MEI1: variants seen among roughly 807,000 people sequenced by gnomAD.
MEI1 encodes meiosis inhibitor protein 1.
MEI1 carries 103 observed loss-of-function variants against 146.2 expected under a neutral mutation model. The ratio of observed to expected loss-of-function variants is 0.70; its 90% CI spans 0.60 to 0.83. The LOEUF (loss-of-function observed/expected upper bound fraction) is 0.83, where lower values mean the gene tolerates loss of function less well. Among genes scored for constraint, MEI1 ranks in the 40% least tolerant of loss-of-function variants. The probability of loss-of-function intolerance (pLI) is 0.00; values close to 1 mark genes in which losing one functional copy is unlikely to be tolerated. For missense variants in MEI1, 1,529 were observed against 1,533.0 expected, an observed-to-expected ratio of 1.00 and a Z score of 0.04; for synonymous variants, 652 against 628.2, an observed-to-expected ratio of 1.04 and a Z score of -0.57.
intron 7 of MEI1, among the ~76,000 whole-genome samples, chr22:41,725,409 G>A (rs1010128702): frequency 6.6e-6 from 1 of 152,096 alleles, no homozygotes; most frequent in African/African-American, 2.4e-5. Flanking sequence ...CCCAGGCCCA[G>A]CCGTAAATTC....
At chr22:41,756,559 C>T (rs1047658161) in intron 17 of MEI1, among the ~76,000 whole-genome samples, 5 of 152,082 alleles carry the variant, frequency 3.3e-5, no homozygotes, top group African/African-American at 1.2e-4. Flanking sequence ...TTGCAACCTC[C>T]ACCTCCCGGG....
chr22:41,725,207 G>C (rs564855328), intron 7 of MEI1, among the ~76,000 whole-genome samples: 2 of 152,056 alleles, frequency 1.3e-5, no homozygotes, highest in Admixed American at 1.3e-4. Context: ...CGCCCCCCAG[G>C]CTCAAGCAAT....
intron 11 of MEI1, among the ~76,000 whole-genome samples, chr22:41,740,054 C>G (rs1253570023): frequency 6.6e-6 from 1 of 151,750 alleles, no homozygotes. Flanking sequence ...GAGTCTCGCT[C>G]TGTTGCTCAG....
chr22:41,704,414 C>G (rs1476560497), intron 2 of MEI1, among the ~76,000 whole-genome samples: 2 of 137,714 alleles, frequency 1.5e-5, no homozygotes, highest in Admixed American at 7.2e-5. Flanking sequence ...AATTCTTACC[C>G]TTTTTTTTTT....
rs1350781717 is a variant in MEI1 at position 41,781,387 on chromosome 22, G to T, written c.2919G>T (p.Gln973His). The change falls in exon 23 of 31, where the codon CAG becomes CAT. Residue 973 changes from glutamine to histidine, a missense_variant. Around this residue, in one of 3 missense-constraint regions of MEI1, gnomAD observed 1,212 missense variants for 1,178.9 expected, o/e 1.03. Coordinates refer to ENST00000401548, the MANE Select transcript of MEI1 (RefSeq NM_152513.4). Reference sequence around the variant, plus strand: ...TTCATCAGACCACACCCAGCAGTCAGAAAAGAGGTGCAGGGGCCCGGGCTG... The same window carrying T: ...TTCATCAGACCACACCCAGCAGTCATAAAAGAGGTGCAGGGGCCCGGGCTG... ...WSLHQTTPSS[Q>H]KRAAAVLLSS... 3.7e-6 allele frequency: 6 copies of T among 1,611,824 alleles called. No individual in the cohort carries two copies. In the African/African-American group the frequency reaches 4.0e-5, roughly 11 times the overall value.
chr22:41,706,690 G>C lies in MEI1; in HGVS notation c.349+1136G>C, dbSNP rs145743016. On this transcript the variant is annotated intron_variant, in intron 3 of 30. Transcript: ENST00000401548. Reference sequence around the variant, plus strand: ...GATCATCCCACTGCACTCTAGCGTGGATGACAAAGTGAGACCCCTTTCTCT... The same window carrying C: ...GATCATCCCACTGCACTCTAGCGTGCATGACAAAGTGAGACCCCTTTCTCT... Among the ~76,000 whole-genome samples, 729 of 151,710 alleles carry C rather than the reference G, an allele frequency of 4.8e-3. 5 individuals are homozygous for C. The highest frequency in any genetic ancestry group is 0.017 in the African/African-American group (701 of 41,308).
At chr22:41,783,958 C>G (rs1238735531) in intron 24 of MEI1, among the ~76,000 whole-genome samples, 1 of 152,212 alleles carries the variant, frequency 6.6e-6, no homozygotes, top group Non-Finnish European at 1.5e-5. Flanking sequence ...GCTGGGATTA[C>G]AGGTGTAAGC....
intron 12 of MEI1, among the ~76,000 whole-genome samples, chr22:41,743,395 T>A (rs922535354): frequency 3.9e-5 from 6 of 152,164 alleles, no homozygotes; most frequent in African/African-American, 1.4e-4. Context: ...ATGGGGAAAC[T>A]AAAGCCACGA....
chr22:41,729,891 A>G lies in MEI1; in HGVS notation c.979+112A>G, dbSNP rs1286780994. 2.7e-5 allele frequency: 17 copies of G among 624,006 alleles called. No individual in the cohort carries two copies. The South Asian group carries it at 3.7e-4, about 14-fold the overall frequency. The allele number at this position is 624,006 out of a possible 1,614,324, so 38.7% of individuals were successfully genotyped here. On this transcript the variant is annotated intron_variant, in intron 8 of 30. Transcript: ENST00000401548. ...CTATGTCTCATAACATCTGAATCCT[A>G]TTGCTACAGATTTCTTGTATGACCT...
At chr22:41,760,386 G>C (rs190993698) in intron 18 of MEI1, among the ~76,000 whole-genome samples, 1 of 152,106 alleles carries the variant, frequency 6.6e-6, no homozygotes, top group African/African-American at 2.4e-5. Context: ...GCAGGCGCCT[G>C]TAGTCCCAGC....
Position 41,699,617 on chromosome 22 carries a change from G to T in MEI1, c.79G>T (p.Ala27Ser), listed in dbSNP as rs1438525823. ...AGAGGCGGCGCTTCTATTCGAGAGG[G>T]CCCATTACCGGCACGACCCGCGCTG... ...EEEAALLFER[A>S]HYRHDPRWLL... is the part of the protein sequence containing the mutation. The change falls in exon 1 of 31, where the codon GCC becomes TCC. Residue 27 changes from alanine (A) to serine (S), a missense_variant. Coordinates refer to ENST00000401548, the MANE Select transcript of MEI1 (RefSeq NM_152513.4). 1 of 1,611,944 alleles carries T rather than the reference G, an allele frequency of 6.2e-7. No homozygotes were observed. Among genetic ancestry groups the T allele is most frequent in the Non-Finnish European group, 8.5e-7 (1 of 1,179,212 alleles).
intron 1 of MEI1, among the ~76,000 whole-genome samples, chr22:41,700,749 A>AATTTTT (rs1317653538): frequency 8.5e-6 from 1 of 117,640 alleles, no homozygotes; most frequent in African/African-American, 3.8e-5. Flanking sequence ...GCAGTTCTCA[A>AATTTTT]TTTTTTTTTT....
At chr22:41,734,473 A>G (rs1375229174) in intron 11 of MEI1, among the ~76,000 whole-genome samples, 1 of 151,952 alleles carries the variant, frequency 6.6e-6, no homozygotes, top group East Asian at 2.0e-4. Context: ...CTTGCCTGTA[A>G]TCCCAGTTAC....
rs779236150 is a variant in MEI1, at chr22:41,699,528, C to T, written c.-11C>T. On this transcript the variant is annotated 5_prime_UTR_variant, in exon 1 of 31. Coordinates refer to ENST00000401548, the MANE Select transcript of MEI1 (RefSeq NM_152513.4). ...GAAAGAGTGCCGCCTCAGCTGAGGG[C>T]AAGCGAGGAGATGGCTGTGAGGCAG... 4 of 1,604,326 alleles carry T rather than the reference C, an allele frequency of 2.5e-6. No homozygotes were observed. Among genetic ancestry groups the T allele is most frequent in the Non-Finnish European group, 3.4e-6 (4 of 1,176,766 alleles).
chr22:41,704,357 A>G (rs2068920669), intron 2 of MEI1, among the ~76,000 whole-genome samples: 1 of 152,024 alleles, frequency 6.6e-6, no homozygotes, highest in Non-Finnish European at 1.5e-5. Context: ...CAGGTCTGTC[A>G]TAGACACCAG....
intron 6 of MEI1, 93 bp from the exon 7 acceptor site, chr22:41,723,850 G>A: frequency 7.0e-7 from 1 of 1,436,822 alleles, no homozygotes; most frequent in Non-Finnish European, 9.4e-7. Context: ...GAGGGATGAA[G>A]AAGTTTCTCT....
chr22:41,751,731 C>T (rs898479512), intron 15 of MEI1, among the ~76,000 whole-genome samples: 7 of 144,066 alleles, frequency 4.9e-5, no homozygotes, highest in African/African-American at 7.9e-5. Context: ...AAGATCGTGC[C>T]ATTGCACTCT....
chr22:41,781,950 C>A, intron 24 of MEI1, 105 bp downstream of exon 24: 2 of 1,315,312 alleles, frequency 1.5e-6, no homozygotes, highest in Non-Finnish European at 2.1e-6. Context: ...AGCTGTGTGA[C>A]CTTGGCAAGG....
At chr22:41,758,999 C>T (rs558552140) in intron 18 of MEI1, among the ~76,000 whole-genome samples, 4 of 151,828 alleles carry the variant, frequency 2.6e-5, no homozygotes, top group South Asian at 2.1e-4. Flanking sequence ...AAAAATTAGC[C>T]GGGCATGGTG....
Sources: allele counts gnomAD v4.1 joint callset (sites outside exome capture counted in the v4.1 genomes callset), GRCh38; gene constraint gnomAD v4.1.1; regional missense constraint gnomAD v4.1.1; transcripts MANE v1.5; gene names NCBI Gene and HGNC (gene_info 2026-07-23, HGNC 2026-07-21).